Variants in AK4 observed in about 807,000 individuals in gnomAD.
AK4 encodes the protein adenylate kinase 4.
A neutral mutation model predicts 24.6 loss-of-function variants in AK4; 13 were observed. The ratio of observed to expected loss-of-function variants is 0.53; its 90% CI spans 0.34 to 0.84. The LOEUF (loss-of-function observed/expected upper bound fraction) is 0.84, where lower values mean the gene tolerates loss of function less well. Among genes scored for constraint, AK4 ranks in the 40% least tolerant of loss-of-function variants. The pLI, the probability that AK4 is intolerant of heterozygous loss-of-function variation, is 0.01. For missense variants in AK4, 192 were observed against 288.2 expected, an observed-to-expected ratio of 0.67 and a Z score of 2.42; for synonymous variants, 88 against 107.0, an observed-to-expected ratio of 0.82 and a Z score of 1.10.
chr1:65,230,436 G>A lies in AK4; in HGVS notation c.*4259G>A, dbSNP rs1652607232. On this transcript the variant is annotated 3_prime_UTR_variant, in exon 5 of 5. Transcript: ENST00000327299. ...TCCAAAGAGTTGAAGCCTGCTGGAG[G>A]TCTTTGCTCAAATAATAAATACCAC... 1.3e-5 allele frequency: 2 copies of A among 152,262 alleles called. No individual in the cohort carries two copies. Among genetic ancestry groups the A allele is most frequent in the Admixed American group, 6.5e-5 (1 of 15,294 alleles). The allele number at this position is 152,262 out of a possible 1,614,324, so 9.4% of individuals were successfully genotyped here. A position where few individuals can be genotyped will look rare whatever the true frequency, so the allele number is the denominator to read the frequency against.
At chr1:65,217,165 A>G (rs2101082099) in intron 2 of AK4, among the ~76,000 whole-genome samples, 1 of 152,318 alleles carries the variant, frequency 6.6e-6, no homozygotes, top group South Asian at 2.1e-4. Context: ...AGCAAGCAAT[A>G]GGTACCTGAA....
chr1:65,184,329 A>G (rs777603957), intron 1 of AK4, among the ~76,000 whole-genome samples: 2 of 152,178 alleles, frequency 1.3e-5, no homozygotes, highest in South Asian at 2.1e-4. Context: ...GGAATCTGAC[A>G]CTTCATCTTT....
chr1:65,228,063 A>C lies in AK4; in HGVS notation c.*1886A>C, dbSNP rs1226983498. On this transcript the variant is annotated 3_prime_UTR_variant, in exon 5 of 5. Coordinates refer to ENST00000327299, the MANE Select transcript of AK4 (RefSeq NM_013410.4). Reference sequence around the variant, plus strand: ...AATGCCAGCTGTGGAGATGGGGTGCATATCAGATATATAAATAAAGCTCAG... The same window carrying C: ...AATGCCAGCTGTGGAGATGGGGTGCCTATCAGATATATAAATAAAGCTCAG... The C allele has an allele frequency of 6.6e-6, 1 of 150,950 alleles. No individual in the cohort carries two copies. The highest frequency in any genetic ancestry group is 1.5e-5 in the Non-Finnish European group (1 of 67,752). 9.4% of individuals were successfully genotyped at this position (150,950 alleles called of 1,614,324 possible).
chr1:65,210,071 G>T (rs1171524642), intron 2 of AK4, among the ~76,000 whole-genome samples: 4 of 152,216 alleles, frequency 2.6e-5, no homozygotes, highest in Non-Finnish European at 4.4e-5. Flanking sequence ...TGCTGGGACT[G>T]TAGGTGTTGA....
At chr1:65,190,480 T>C (rs1651270301) in intron 1 of AK4, among the ~76,000 whole-genome samples, 1 of 151,676 alleles carries the variant, frequency 6.6e-6, no homozygotes, top group South Asian at 2.1e-4. Context: ...GGTGGTGCTA[T>C]GCTATCTCAA....
chr1:65,169,891 G>GTA (rs1650452949), intron 1 of AK4, among the ~76,000 whole-genome samples: 1 of 152,080 alleles, frequency 6.6e-6, no homozygotes, highest in South Asian at 2.1e-4. Flanking sequence ...GGTTTTGTGT[G>GTA]TGTGTGTGGC....
At chr1:65,212,674 A>G (rs1652006947) in intron 2 of AK4, among the ~76,000 whole-genome samples, 1 of 152,040 alleles carries the variant, frequency 6.6e-6, no homozygotes, top group African/African-American at 2.4e-5. Flanking sequence ...CTTTTTGTAG[A>G]GATGAGGTCT....
At chr1:65,166,007 G>C (rs41285424) in intron 1 of AK4, 16,869 of 152,296 alleles carry the variant, frequency 0.11, 1,247 homozygotes, top group Admixed American at 0.22. Context: ...GGTGGCCTTC[G>C]GCACAGCAAG....
chr1:65,166,745 T>A (rs1650342969), intron 1 of AK4, among the ~76,000 whole-genome samples: 1 of 152,164 alleles, frequency 6.6e-6, no homozygotes, highest in South Asian at 2.1e-4. Context: ...GGTCTTGAAC[T>A]CCTGGACTCA....
chr1:65,159,797 G>A (rs909437145), intron 1 of AK4, among the ~76,000 whole-genome samples: 4 of 151,886 alleles, frequency 2.6e-5, no homozygotes, highest in Non-Finnish European at 4.4e-5. Flanking sequence ...GTGAAACCCC[G>A]TCTCTACTAA....
At chr1:65,193,726 T>C (rs1309570187) in intron 2 of AK4, among the ~76,000 whole-genome samples, 5 of 152,218 alleles carry the variant, frequency 3.3e-5, no homozygotes, top group East Asian at 3.9e-4. Context: ...CAGTCCTCCA[T>C]GTGCAAGGGT....
chr1:65,219,336 A>C (rs1652227872), intron 3 of AK4, among the ~76,000 whole-genome samples: 1 of 152,166 alleles, frequency 6.6e-6, no homozygotes, highest in South Asian at 2.1e-4. Context: ...ATGTACATTC[A>C]GAATTTTAAG....
chr1:65,150,591 G>T (rs1395783469), intron 1 of AK4, among the ~76,000 whole-genome samples: 1 of 152,112 alleles, frequency 6.6e-6, no homozygotes, highest in East Asian at 1.9e-4. Flanking sequence ...CTTACTGCCT[G>T]GTAAATAAAA....
chr1:65,152,380 ATATATTTTTTTTTTTTTTTTTTTTT>A, intron 1 of AK4, among the ~76,000 whole-genome samples: 1 of 44,002 alleles, frequency 2.3e-5, no homozygotes, highest in South Asian at 1.0e-3. Flanking sequence ...ATATATATAT[ATATATTTTTTTTTTTTTTTTTTTTT>A]TTTTTTTTTT....
At chr1:65,218,706 G>A in intron 2 of AK4, 48 bp from the exon 3 acceptor site, 2 of 1,508,780 alleles carry the variant, frequency 1.3e-6, no homozygotes, top group Non-Finnish European at 8.9e-7. Context: ...GAACTAATTG[G>A]AACTGGGCAA....
At chr1:65,192,974 C>T (rs1651355609) in intron 2 of AK4, among the ~76,000 whole-genome samples, 1 of 152,198 alleles carries the variant, frequency 6.6e-6, no homozygotes, top group South Asian at 2.1e-4. Flanking sequence ...CAGCAGCTCT[C>T]ATGGGTTGGA....
chr1:65,187,478 A>C (rs776665104), intron 1 of AK4, among the ~76,000 whole-genome samples: 4 of 152,064 alleles, frequency 2.6e-5, no homozygotes, highest in Non-Finnish European at 4.4e-5. Flanking sequence ...TTCTTTCTGA[A>C]GTAGTGAAAG....
At chr1:65,187,585 G>A (rs977321263) in intron 1 of AK4, among the ~76,000 whole-genome samples, 2 of 152,172 alleles carry the variant, frequency 1.3e-5, no homozygotes, top group African/African-American at 4.8e-5. Flanking sequence ...GTTATAGTGT[G>A]TGAATTATCA....
At chr1:65,174,349 A>G (rs1335593404) in intron 1 of AK4, among the ~76,000 whole-genome samples, 2 of 152,110 alleles carry the variant, frequency 1.3e-5, no homozygotes, top group African/African-American at 4.8e-5. Context: ...GAATACAAGG[A>G]ACTCGTTTTC....
Sources: allele counts gnomAD v4.1 joint callset (sites outside exome capture counted in the v4.1 genomes callset), GRCh38; gene constraint gnomAD v4.1.1; transcripts MANE v1.5; gene names NCBI Gene and HGNC (gene_info 2026-07-23, HGNC 2026-07-21).